The following CRY1 variants were observed in gnomAD, a reference collection of about 807,000 sequenced individuals.
The protein encoded by CRY1 is cryptochrome circadian regulator 1.
CRY1 carries 45 observed loss-of-function variants against 76.0 expected under a neutral mutation model. That is an observed-to-expected ratio of 0.59 (90% CI 0.47 to 0.76). CRY1 has a LOEUF of 0.76. CRY1 is among the 30% of genes least tolerant of loss of function. The probability of loss-of-function intolerance (pLI) is 0.00; values close to 1 mark genes in which losing one functional copy is unlikely to be tolerated. For synonymous variants in CRY1, 248 were observed against 244.0 expected (o/e 1.02, Z -0.15); for missense variants, 587 against 716.4 (o/e 0.82, Z 2.06).
intron 1 of CRY1, 100 bp downstream of exon 1, chr12:107,092,704 G>T: frequency 6.6e-7 from 1 of 1,517,866 alleles, no homozygotes; most frequent in Non-Finnish European, 9.0e-7. Context: ...AAGCAAGACA[G>T]TCCCACGTCT....
rs567810140 is a variant in CRY1 at position 107,066,463 on chromosome 12, GT to G, written c.158+26340del. 1.7e-4 allele frequency among the ~76,000 whole-genome samples: 25 copies of G among 146,848 alleles called. 1 individual carries two copies. In the South Asian group the frequency reaches 2.2e-3, roughly 13 times the overall value. ...GATGGTAGATTAAGTTTTGTTTTTT[GT>G]TTTTTTTTTAAGACAGGGTCTCACT... On this transcript the variant is annotated intron_variant, in intron 1 of 12. Transcript: ENST00000008527.
chr12:107,014,213 T>C (rs1396779361), intron 2 of CRY1, among the ~76,000 whole-genome samples: 2 of 152,198 alleles, frequency 1.3e-5, no homozygotes, highest in Non-Finnish European at 2.9e-5. Context: ...GCTGAGAAAC[T>C]TCCTGGTAGG....
intron 1 of CRY1, among the ~76,000 whole-genome samples, chr12:107,069,485 T>C (rs914210235): frequency 6.8e-6 from 1 of 148,042 alleles, no homozygotes; most frequent in Admixed American, 6.8e-5. Flanking sequence ...TAATGACTAA[T>C]GGTGTTGAAC....
chr12:107,063,676 C>T (rs1340022257), intron 1 of CRY1, among the ~76,000 whole-genome samples: 1 of 152,156 alleles, frequency 6.6e-6, no homozygotes, highest in African/African-American at 2.4e-5. Context: ...CGGCTCACTG[C>T]AACCTCCGCC....
intron 1 of CRY1, among the ~76,000 whole-genome samples, chr12:107,036,625 T>C (rs1952735691): frequency 1.3e-5 from 2 of 151,340 alleles, no homozygotes; most frequent in African/African-American, 4.9e-5. Flanking sequence ...GCTTTCTAGG[T>C]CCTACAGAAC....
At chr12:107,035,427 T>C (rs11611285) in intron 1 of CRY1, among the ~76,000 whole-genome samples, 1,563 of 152,288 alleles carry the variant, frequency 0.01, 7 homozygotes, top group Non-Finnish European at 0.016. Context: ...GAGGTTTGGA[T>C]GTTAGATGAT....
chr12:106,993,887 T>C (rs944498098), intron 10 of CRY1, among the ~76,000 whole-genome samples: 2 of 152,152 alleles, frequency 1.3e-5, no homozygotes, highest in African/African-American at 4.8e-5. Flanking sequence ...GCTACAGTAG[T>C]AAACATATTA....
At chr12:107,080,378 G>A (rs1953307420) in intron 1 of CRY1, among the ~76,000 whole-genome samples, 1 of 152,048 alleles carries the variant, frequency 6.6e-6, no homozygotes, top group South Asian at 2.1e-4. Context: ...CCGGGGATCA[G>A]GAAAGAGATT....
At chr12:107,012,341 T>C (rs909487448) in intron 2 of CRY1, among the ~76,000 whole-genome samples, 1 of 152,240 alleles carries the variant, frequency 6.6e-6, no homozygotes, top group African/African-American at 2.4e-5. Context: ...TTGAGAACTA[T>C]GCTAAATCTA....
chr12:107,038,985 G>T (rs1217104632), intron 1 of CRY1, among the ~76,000 whole-genome samples: 1 of 152,080 alleles, frequency 6.6e-6, no homozygotes, highest in South Asian at 2.1e-4. Flanking sequence ...AGTGCTGGGC[G>T]TGGTGGTGCA....
intron 1 of CRY1, among the ~76,000 whole-genome samples, chr12:107,071,616 A>G (rs1388261314): frequency 1.3e-5 from 2 of 152,192 alleles, no homozygotes; most frequent in Middle Eastern, 3.2e-3. Context: ...ACTCTTTGAC[A>G]ATATTCTTTA....
chr12:107,013,318 A>G lies in CRY1; in HGVS notation c.268-8070T>C, dbSNP rs143867804. The stretch of plus-strand genomic sequence containing the variant: ...CATTGAGGCAAGAACCTCCACCAGC[A>G]AAAAAGATTATGACTTGCTGAAGGC... On this transcript the variant is annotated intron_variant, in intron 2 of 12. Coordinates refer to ENST00000008527, the MANE Select transcript of CRY1 (RefSeq NM_004075.5). Among the ~76,000 whole-genome samples the G allele has an allele frequency of 6.4e-4, 97 of 152,354 alleles. 1 individual carries two copies. Among genetic ancestry groups the G allele is most frequent in the African/African-American group, 2.2e-3 (93 of 41,586 alleles).
At chr12:107,043,402 T>C (rs1469876200) in intron 1 of CRY1, among the ~76,000 whole-genome samples, 1 of 152,128 alleles carries the variant, frequency 6.6e-6, no homozygotes, top group African/African-American at 2.4e-5. Flanking sequence ...AGTGGAGCCC[T>C]ACATCCCAGG....
chr12:107,079,260 G>A (rs1953294341), intron 1 of CRY1, among the ~76,000 whole-genome samples: 1 of 152,132 alleles, frequency 6.6e-6, no homozygotes, highest in Admixed American at 6.6e-5. Context: ...AGCCAATGAA[G>A]TGCCATAAGA....
At chr12:107,011,709 A>C (rs1397822592) in intron 2 of CRY1, among the ~76,000 whole-genome samples, 3 of 152,246 alleles carry the variant, frequency 2.0e-5, no homozygotes, top group Non-Finnish European at 4.4e-5. Flanking sequence ...TTAAGCAAAG[A>C]AGCTGTCTCC....
chr12:107,073,603 C>T (rs565657488), intron 1 of CRY1, among the ~76,000 whole-genome samples: 1 of 152,026 alleles, frequency 6.6e-6, no homozygotes, highest in Non-Finnish European at 1.5e-5. Flanking sequence ...GTGGTGCATG[C>T]CTGTAATCCC....
intron 1 of CRY1, among the ~76,000 whole-genome samples, chr12:107,034,128 T>C (rs1952707162): frequency 6.6e-6 from 1 of 151,540 alleles, no homozygotes; most frequent in Non-Finnish European, 1.5e-5. Flanking sequence ...CAGAATGCAG[T>C]AAAGAAGGTA....
At chr12:107,047,148 T>A (rs142267792) in intron 1 of CRY1, among the ~76,000 whole-genome samples, 1 of 152,308 alleles carries the variant, frequency 6.6e-6, no homozygotes, top group Non-Finnish European at 1.5e-5. Context: ...CACAACAAAT[T>A]TAAGATAACT....
intron 1 of CRY1, among the ~76,000 whole-genome samples, chr12:107,041,050 A>G (rs569165811): frequency 5.9e-5 from 9 of 152,274 alleles, no homozygotes; most frequent in Non-Finnish European, 5.9e-5. Context: ...CATCTGCCCT[A>G]TGGATGCTAT....
Sources: allele counts gnomAD v4.1 joint callset (sites outside exome capture counted in the v4.1 genomes callset), GRCh38; gene constraint gnomAD v4.1.1; transcripts MANE v1.5; gene names NCBI Gene and HGNC (gene_info 2026-07-23, HGNC 2026-07-21).